Variants in ZNF879 observed in about 807,000 individuals in gnomAD.
ZNF879 encodes zinc finger protein 879.
ZNF879 carries 32 observed loss-of-function variants against 44.3 expected under a neutral mutation model. The observed-to-expected ratio is 0.72, with a 90% CI of 0.54 to 0.97. The LOEUF (loss-of-function observed/expected upper bound fraction) is 0.97, where lower values mean the gene tolerates loss of function less well. Among genes scored for constraint, ZNF879 ranks in the 50% least tolerant of loss-of-function variants. The pLI is 0.00. For synonymous variants in ZNF879, 234 were observed against 233.2 expected, an observed-to-expected ratio of 1.00 and a Z score of -0.03; for missense variants, 621 against 669.7, an observed-to-expected ratio of 0.93 and a Z score of 0.80.
chr5:179,033,594 TTAGTCAGAGC>T lies in ZNF879; in HGVS notation c.1648_1657del (p.Ser550HisfsTer22). 1 of 1,545,776 alleles carries T rather than the reference TTAGTCAGAGC, an allele frequency of 6.5e-7. No individual in the cohort carries two copies. The highest frequency in any genetic ancestry group is 8.7e-7 in the Non-Finnish European group (1 of 1,145,204). Reference sequence around the variant, plus strand: ...AAATGTAAAGAATGTGGGAAGGCTTTTAGTCAGAGCTCATCTCTTACTAATCATCAAAGGA... The same window carrying T: ...AAATGTAAAGAATGTGGGAAGGCTTTTCATCTCTTACTAATCATCAAAGGA... On this transcript the variant is annotated frameshift_variant, in exon 5 of 5. Transcript: ENST00000444149. LOFTEE classifies it high-confidence loss of function.
intron 4 of ZNF879, among the ~76,000 whole-genome samples, chr5:179,030,624 A>C (rs1252382961): frequency 6.6e-6 from 1 of 152,200 alleles, no homozygotes. Flanking sequence ...AATTCTGGTG[A>C]GCTATGTCCC....
At chr5:179,028,260 T>C (rs1761323877) in intron 4 of ZNF879, 133 bp downstream of exon 4, 2 of 739,260 alleles carry the variant, frequency 2.7e-6, no homozygotes, top group Admixed American at 2.5e-5. Context: ...TCCTTTCTCT[T>C]TTGATTACTT....
chr5:179,032,953 CAG>C lies in ZNF879; in HGVS notation c.1007_1008del (p.Arg336AsnfsTer9). 1.3e-6 allele frequency: 2 copies of C among 1,559,846 alleles called. No homozygotes were observed. The highest frequency in any genetic ancestry group is 1.7e-6 in the Non-Finnish European group (2 of 1,151,912). On this transcript the variant is annotated frameshift_variant, in exon 5 of 5. Transcript: ENST00000444149. LOFTEE classifies it high-confidence loss of function. Reference protein sequence around the residue: ...SQCSSLIQHHRIHTGEKPYEC... With the variant: ...SQCSSLIQHHXIHTGEKPYEC... ...AGTGCTCATCTCTCATTCAGCACCA[CAG>C]AATTCATACTGGGGAGAAACCGTAT... is the stretch of plus-strand genomic sequence containing the variant.
At chr5:179,027,630 G>T (rs1476949347) in intron 3 of ZNF879, 31 bp downstream of exon 3, 12 of 1,610,260 alleles carry the variant, frequency 7.5e-6, no homozygotes, top group Non-Finnish European at 1.0e-5. Context: ...TGCAGAATCT[G>T]CCAGGAGAGC....
chr5:179,025,825 G>A (rs1761251216), intron 2 of ZNF879, among the ~76,000 whole-genome samples: 1 of 152,000 alleles, frequency 6.6e-6, no homozygotes, highest in Non-Finnish European at 1.5e-5. Flanking sequence ...GCTGAGGCAG[G>A]AGAATCACTT....
Position 179,033,499 on chromosome 5 carries a change from T to G in ZNF879, c.1551T>G (p.Cys517Trp), listed in dbSNP as rs1042702811. ...AGAAACCATATAATTGTAAAGTGTGTGGGAAAGCCTTCAGACAGAGTTCAT... is the reference window on the plus strand; with the variant it reads ...AGAAACCATATAATTGTAAAGTGTGGGGGAAAGCCTTCAGACAGAGTTCAT... ...TGEKPYNCKVCGKAFRQSSSL... is the reference protein window; with the variant it reads ...TGEKPYNCKVWGKAFRQSSSL... The change falls in exon 5 of 5, where the codon TGT (cysteine) becomes TGG (tryptophan). Residue 517 changes from cysteine (C) to tryptophan (W), a missense_variant. By Grantham distance (215) the Cys-to-Trp change is radical (BLOSUM62 -2). Transcript: ENST00000444149. 1 of 1,560,602 alleles carries G rather than the reference T, an allele frequency of 6.4e-7. No homozygotes were observed. Among genetic ancestry groups the G allele is most frequent in the Non-Finnish European group, 8.7e-7 (1 of 1,152,464 alleles).
Position 179,034,856 on chromosome 5 carries a change from G to A in ZNF879, c.*1216G>A, listed in dbSNP as rs1319944995. 1 of 152,062 alleles carries A rather than the reference G, an allele frequency of 6.6e-6. No individual in the cohort carries two copies. Among genetic ancestry groups the A allele is most frequent in the Non-Finnish European group, 1.5e-5 (1 of 68,026 alleles). The allele number at this position is 152,062 out of a possible 1,614,324, so 9.4% of individuals were successfully genotyped here. ...TATCAGGAGGGGGCAAGCACTTAAG[G>A]GCTGAAACGACCCATTTCATAAAGT... On this transcript the variant is annotated 3_prime_UTR_variant, in exon 5 of 5. Coordinates refer to ENST00000444149, the MANE Select transcript of ZNF879 (RefSeq NM_001136116.3).
At chr5:179,031,284 G>A (rs754485664) in intron 4 of ZNF879, among the ~76,000 whole-genome samples, 5 of 152,096 alleles carry the variant, frequency 3.3e-5, no homozygotes, top group South Asian at 2.1e-4. Flanking sequence ...CCTAGAAAAC[G>A]CTCCACAATA....
At position 179,033,316 on chromosome 5, in the gene ZNF879, T is replaced by C; in HGVS notation, c.1368T>C (p.Tyr456=). The C allele has an allele frequency of 6.4e-7, 1 of 1,573,728 alleles. No individual in the cohort carries two copies. Among genetic ancestry groups the C allele is most frequent in the South Asian group, 1.2e-5 (1 of 86,370 alleles). ...HHRIHTGEKP[Y]NCKECGKAFS... Reference sequence around the variant, plus strand: ...GAATTCACACTGGAGAGAAACCATATAATTGTAAGGAATGTGGAAAAGCCT... The same window carrying C: ...GAATTCACACTGGAGAGAAACCATACAATTGTAAGGAATGTGGAAAAGCCT... The change falls in exon 5 of 5, where the codon TAT becomes TAC. Residue 456 remains tyrosine, a synonymous_variant. Transcript: ENST00000444149.
chr5:179,031,818 G>C, intron 4 of ZNF879, among the ~76,000 whole-genome samples: 1 of 152,180 alleles, frequency 6.6e-6, no homozygotes, highest in African/African-American at 2.4e-5. Context: ...TGTGTTTGGC[G>C]GAGCTCTTCT....
In ZNF879 at chr5:179,033,018, C is replaced by T. The variant is rs759535880; in HGVS notation, c.1070C>T (p.Ser357Leu). Residue 357 changes from serine (S) to leucine (L), a missense_variant, in exon 5 of 5, where the codon TCG becomes TTG. Coordinates refer to ENST00000444149, the MANE Select transcript of ZNF879 (RefSeq NM_001136116.3). Reference sequence around the variant, plus strand: ...TGTGGGAAAGCCTTCACTTCAATATCGCGGCTAAGTAGGCACCATCGAATT... The same window carrying T: ...TGTGGGAAAGCCTTCACTTCAATATTGCGGCTAAGTAGGCACCATCGAATT... ...TQCGKAFTSI[S>L]RLSRHHRIHT... The T allele has an allele frequency of 4.5e-6, 7 of 1,556,640 alleles. No homozygotes were observed. The highest frequency in any genetic ancestry group is 1.7e-4 in the Middle Eastern group (1 of 5,994).
In ZNF879 at chr5:179,033,465, A is replaced by G. The variant is rs1427157090; in HGVS notation, c.1517A>G (p.His506Arg). ...SSALIQHQRI[H>R]TGEKPYNCKV... is the part of the protein sequence containing the mutation. Reference sequence around the variant, plus strand: ...GCTCTAATTCAGCACCAGAGAATTCATACTGGAGAGAAACCATATAATTGT... The same window carrying G: ...GCTCTAATTCAGCACCAGAGAATTCGTACTGGAGAGAAACCATATAATTGT... Residue 506 changes from histidine (H) to arginine (R), a missense_variant, in exon 5 of 5, where the codon CAT becomes CGT. Physicochemically the swap from His to Arg is conservative, Grantham distance 29. Coordinates refer to ENST00000444149, the MANE Select transcript of ZNF879 (RefSeq NM_001136116.3). The G allele has an allele frequency of 1.3e-6, 2 of 1,565,840 alleles. No homozygotes were observed. The highest frequency in any genetic ancestry group is 1.7e-6 in the Non-Finnish European group (2 of 1,155,264).
At chr5:179,024,144 A>G (rs1365928741) in intron 1 of ZNF879, among the ~76,000 whole-genome samples, 1 of 152,142 alleles carries the variant, frequency 6.6e-6, no homozygotes, top group Non-Finnish European at 1.5e-5. Flanking sequence ...ACTCCGGGGG[A>G]AACGGCTCCA....
chr5:179,024,682 C>T (rs1457568427), intron 1 of ZNF879: 4 of 357,252 alleles, frequency 1.1e-5, no homozygotes, highest in Middle Eastern at 8.0e-4. Context: ...CTGAATGAGC[C>T]TTGCCTGATT....
At position 179,032,593 on chromosome 5, in the gene ZNF879, C is replaced by T. The variant is rs1425038479; in HGVS notation, c.645C>T (p.His215=). The change falls in exon 5 of 5, where the codon CAC becomes CAT. Residue 215 remains histidine, a synonymous_variant. Coordinates refer to ENST00000444149, the MANE Select transcript of ZNF879 (RefSeq NM_001136116.3). ...ATATCTGTGGGAAAATCTTCCTCCA[C>T]AGTTCCTCCCTGAGTAAACACCAGA... The part of the protein sequence containing the change: ...KCNICGKIFL[H]SSSLSKHQRI... 1.9e-6 allele frequency: 3 copies of T among 1,557,358 alleles called. No homozygotes were observed. The highest frequency in any genetic ancestry group is 1.7e-6 in the Non-Finnish European group (2 of 1,150,494).
At chr5:179,029,884 G>A (rs1370506313) in intron 4 of ZNF879, among the ~76,000 whole-genome samples, 1 of 152,166 alleles carries the variant, frequency 6.6e-6, no homozygotes. Context: ...CTCATTGAGA[G>A]GACTATATTG....
chr5:179,032,964 C>A lies in ZNF879; in HGVS notation c.1016C>A (p.Thr339Asn). 6.4e-7 allele frequency: 1 copy of A among 1,558,722 alleles called. No homozygotes were observed. The highest frequency in any genetic ancestry group is 8.7e-7 in the Non-Finnish European group (1 of 1,151,252). Reference protein sequence around the residue: ...SSLIQHHRIHTGEKPYECTQC... With the variant: ...SSLIQHHRIHNGEKPYECTQC... ...CTCATTCAGCACCACAGAATTCATA[C>A]TGGGGAGAAACCGTATGAATGTACT... is the stretch of plus-strand genomic sequence containing the variant. Residue 339 changes from threonine to asparagine, a missense_variant, in exon 5 of 5, where the codon ACT (threonine) becomes AAT (asparagine). By Grantham distance (65) the Thr-to-Asn change is moderately conservative (BLOSUM62 0). Coordinates refer to ENST00000444149, the MANE Select transcript of ZNF879 (RefSeq NM_001136116.3).
chr5:179,032,094 TC>T (rs1357791600), intron 4 of ZNF879, 110 bp from the exon 5 acceptor site: 1 of 873,532 alleles, frequency 1.1e-6, no homozygotes, highest in Non-Finnish European at 1.7e-6. Context: ...CTTTTTCCCA[TC>T]CTTTTCTAAG....
rs1039232406 is a variant in ZNF879 at position 179,028,209 on chromosome 5, C to T, written c.256+82C>T. 1.6e-5 allele frequency: 19 copies of T among 1,210,478 alleles called. No homozygotes were observed. In the Admixed American group the frequency reaches 3.9e-4, roughly 25 times the overall value. 75.0% of individuals were successfully genotyped at this position (1,210,478 alleles called of 1,614,324 possible). Reference sequence around the variant, plus strand: ...GCGAGGAGGCTGCGCTCAAGGGTCTCCTTGATGTGCCAGGCCAGGGGGAAA... The same window carrying T: ...GCGAGGAGGCTGCGCTCAAGGGTCTTCTTGATGTGCCAGGCCAGGGGGAAA... On this transcript the variant is annotated intron_variant, in intron 4 of 4. Coordinates refer to ENST00000444149, the MANE Select transcript of ZNF879 (RefSeq NM_001136116.3).
Sources: gnomAD v4.1 joint callset for allele counts (sites outside exome capture counted in the v4.1 genomes callset) on GRCh38, gnomAD v4.1.1 for gene constraint, MANE v1.5 for transcripts, NCBI Gene and HGNC (gene_info 2026-07-23, HGNC 2026-07-21) for gene names.